The following AGBL4 variants were observed in gnomAD, a reference collection of about 807,000 sequenced individuals.
AGBL4 encodes cytosolic carboxypeptidase 6.
Under a neutral mutation model 66.4 loss-of-function variants are expected in AGBL4, and 58 were observed. The observed-to-expected ratio is 0.87, with a 90% CI of 0.71 to 1.09. The LOEUF is 1.09. Ranked by LOEUF, AGBL4 falls within the 50% of genes least tolerant of loss-of-function variation. The probability of loss-of-function intolerance (pLI) is 0.00; values close to 1 mark genes in which losing one functional copy is unlikely to be tolerated. For missense variants in AGBL4, 579 were observed against 631.0 expected (o/e 0.92, Z 0.88); for synonymous variants, 234 against 222.9 (o/e 1.05, Z -0.44).
At chr1:49,948,502 T>A (rs1655731153) in intron 1 of AGBL4, among the ~76,000 whole-genome samples, 1 of 123,270 alleles carries the variant, frequency 8.1e-6, no homozygotes, top group Non-Finnish European at 1.6e-5. Context: ...TAAAAATATA[T>A]ATAAATATAT....
intron 3 of AGBL4, among the ~76,000 whole-genome samples, chr1:49,564,548 C>T (rs1464372629): frequency 2.0e-5 from 3 of 152,092 alleles, no homozygotes; most frequent in Non-Finnish European, 4.4e-5. Flanking sequence ...TTATTTCTGC[C>T]TTCATTTTGT....
intron 1 of AGBL4, among the ~76,000 whole-genome samples, chr1:49,948,218 AT>A (rs1655613596): frequency 9.6e-6 from 1 of 104,614 alleles, no homozygotes; most frequent in African/African-American, 4.1e-5. Flanking sequence ...ATATAAATAT[AT>A]ATAAATATAT....
chr1:49,502,722 T>C (rs1558001224), intron 3 of AGBL4, among the ~76,000 whole-genome samples: 1 of 152,096 alleles, frequency 6.6e-6, no homozygotes, highest in Non-Finnish European at 1.5e-5. Flanking sequence ...TGACTCTTGC[T>C]ATGCTTTAGT....
chr1:48,722,623 G>A (rs1002178413), intron 6 of AGBL4, among the ~76,000 whole-genome samples: 3 of 152,144 alleles, frequency 2.0e-5, no homozygotes, highest in Non-Finnish European at 4.4e-5. Flanking sequence ...TAAACTGAAG[G>A]GACAAGTATC....
At chr1:49,740,448 A>G (rs1650341817) in intron 2 of AGBL4, among the ~76,000 whole-genome samples, 1 of 152,130 alleles carries the variant, frequency 6.6e-6, no homozygotes, top group South Asian at 2.1e-4. Context: ...CACAATAATA[A>G]TGGGAGACTT....
intron 3 of AGBL4, among the ~76,000 whole-genome samples, chr1:49,291,064 G>A (rs1012889538): frequency 6.6e-6 from 1 of 152,128 alleles, no homozygotes; most frequent in Non-Finnish European, 1.5e-5. Context: ...TTTATCTGCA[G>A]GTTCTGCAGA....
At chr1:48,822,870 A>G (rs1646346508) in intron 6 of AGBL4, among the ~76,000 whole-genome samples, 2 of 152,176 alleles carry the variant, frequency 1.3e-5, no homozygotes, top group Admixed American at 1.3e-4. Flanking sequence ...TTATAATTAG[A>G]CTTCTATTAA....
chr1:48,895,696 G>A (rs1469377383), intron 5 of AGBL4, among the ~76,000 whole-genome samples: 1 of 152,174 alleles, frequency 6.6e-6, no homozygotes, highest in Non-Finnish European at 1.5e-5. Context: ...TAGCTCAGAT[G>A]GTAGGTCCCA....
intron 3 of AGBL4, among the ~76,000 whole-genome samples, chr1:49,533,102 A>G (rs1651268717): frequency 6.6e-6 from 1 of 152,126 alleles, no homozygotes; most frequent in Non-Finnish European, 1.5e-5. Context: ...ATTTTCTTAC[A>G]AGTTAGTGGC....
intron 5 of AGBL4, among the ~76,000 whole-genome samples, chr1:48,972,352 GATGAGGACTCAGAC>G (rs1658977619): frequency 6.6e-6 from 1 of 152,120 alleles, no homozygotes; most frequent in South Asian, 2.1e-4. Context: ...TAGTCAGGAG[GATGAGGACTCAGAC>G]ATGATCCTAG....
rs151240048 is a variant in AGBL4 at position 49,690,804 on chromosome 1, G to C, written c.282+6509C>G. ...TTTGCTGCACTGTTCCTATGGACCA[G>C]GCATTAAATTTAGTGTTTTATTTGC... On this transcript the variant is annotated intron_variant, in intron 3 of 13. Coordinates refer to ENST00000371839, the MANE Select transcript of AGBL4 (RefSeq NM_032785.4). Among the ~76,000 whole-genome samples, 9 of 152,232 alleles carry C rather than the reference G, an allele frequency of 5.9e-5. No homozygotes were observed. In the East Asian group the frequency reaches 1.7e-3, roughly 29 times the overall value.
intron 5 of AGBL4, among the ~76,000 whole-genome samples, chr1:48,964,317 T>C (rs1027586781): frequency 6.6e-6 from 1 of 152,232 alleles, no homozygotes; most frequent in Non-Finnish European, 1.5e-5. Flanking sequence ...CCTTGGTTTA[T>C]CCAAATCTGT....
Position 49,183,405 on chromosome 1 carries a change from T to C in AGBL4, c.377+62365A>G, listed in dbSNP as rs149004656. On this transcript the variant is annotated intron_variant, in intron 4 of 13. Transcript: ENST00000371839. ...CATCTCAGGGGAATTACCGTAGCAA[T>C]TGGTCTCTTCATTGCCCATAAATGT... Among the ~76,000 whole-genome samples, 375 of 152,266 alleles carry C rather than the reference T, an allele frequency of 2.5e-3. 2 individuals carry two copies. Among genetic ancestry groups the C allele is most frequent in the Admixed American group, 5.7e-3 (87 of 15,298 alleles).
At chr1:49,496,925 T>C (rs1647642739) in intron 3 of AGBL4, among the ~76,000 whole-genome samples, 1 of 152,046 alleles carries the variant, frequency 6.6e-6, no homozygotes, top group African/African-American at 2.4e-5. Context: ...ATTCTAGTTT[T>C]AATTTTTTGA....
At chr1:49,530,270 A>AAC (rs1301611466) in intron 3 of AGBL4, among the ~76,000 whole-genome samples, 1 of 143,230 alleles carries the variant, frequency 7.0e-6, no homozygotes, top group East Asian at 1.9e-4. Context: ...AAAAAAAAAA[A>AAC]AACAAAAAAA....
chr1:49,378,039 C>T (rs1644508306), intron 3 of AGBL4, among the ~76,000 whole-genome samples: 1 of 145,496 alleles, frequency 6.9e-6, no homozygotes, highest in Non-Finnish European at 1.5e-5. Flanking sequence ...CCAACACAAA[C>T]TTCATGCCAT....
At chr1:49,292,628 G>A (rs1442304347) in intron 3 of AGBL4, among the ~76,000 whole-genome samples, 1 of 152,156 alleles carries the variant, frequency 6.6e-6, no homozygotes, top group East Asian at 1.9e-4. Context: ...TCCATGTGAT[G>A]ACCAGCTGCA....
At chr1:49,917,501 T>C (rs1557577871) in intron 1 of AGBL4, among the ~76,000 whole-genome samples, 1 of 152,022 alleles carries the variant, frequency 6.6e-6, no homozygotes, top group Non-Finnish European at 1.5e-5. Flanking sequence ...CATTACATAA[T>C]GGTAAAGGGA....
chr1:48,681,714 T>C (rs1289713533), intron 6 of AGBL4, among the ~76,000 whole-genome samples: 1 of 152,134 alleles, frequency 6.6e-6, no homozygotes, highest in Non-Finnish European at 1.5e-5. Context: ...GTAGACCCGG[T>C]CCAGGGACAG....
Sources: allele counts gnomAD v4.1 joint callset (sites outside exome capture counted in the v4.1 genomes callset), GRCh38; gene constraint gnomAD v4.1.1; transcripts MANE v1.5; gene names NCBI Gene and HGNC (gene_info 2026-07-23, HGNC 2026-07-21).